UBR1: variants seen among roughly 807,000 people sequenced by gnomAD.
The protein encoded by UBR1 is E3 ubiquitin-protein ligase UBR1.
Under a neutral mutation model 242.1 loss-of-function variants are expected in UBR1, and 102 were observed. The observed-to-expected ratio is 0.42, with a 90% CI of 0.36 to 0.50. UBR1 has a LOEUF of 0.50. Ranked by LOEUF, UBR1 falls within the 20% of genes least tolerant of loss-of-function variation. The pLI, the probability that UBR1 is intolerant of heterozygous loss-of-function variation, is 0.01. For missense variants in UBR1, 1,772 were observed against 2,101.8 expected (o/e 0.84, Z 3.07); for synonymous variants, 675 against 684.8 (o/e 0.99, Z 0.22).
At chr15:42,998,931 C>A (rs1052051972) in intron 32 of UBR1, among the ~76,000 whole-genome samples, 3 of 140,536 alleles carry the variant, frequency 2.1e-5, no homozygotes, top group Non-Finnish European at 3.1e-5. Flanking sequence ...AAACTTGGAG[C>A]CTTTGCTTTT....
rs1408086291 is a variant in UBR1 at position 43,037,792 on chromosome 15, C to A, written c.2003G>T (p.Gly668Val). Residue 668 changes from glycine (G) to valine (V), a missense_variant, in exon 17 of 47, where the codon GGA (glycine) becomes GTA (valine). Gly to Val is a moderately radical substitution (Grantham distance 109). Around this residue, in one of 3 missense-constraint regions of UBR1, gnomAD observed 734 missense variants for 893.3 expected, o/e 0.82. Coordinates refer to ENST00000290650, the MANE Select transcript of UBR1 (RefSeq NM_174916.3). ...QVVAEMWRRN[G>V]LSLISQVFYY... ...CTGTACCTGGCTAATAAGAGACAGT[C>A]CATTTCTTCGCCACATCTCAGCAAC... 7 of 1,614,066 alleles carry A rather than the reference C, an allele frequency of 4.3e-6. No homozygotes were observed. The highest frequency in any genetic ancestry group is 5.9e-6 in the Non-Finnish European group (7 of 1,179,978).
At chr15:43,000,688 C>A (rs771973577) in intron 32 of UBR1, among the ~76,000 whole-genome samples, 4 of 152,166 alleles carry the variant, frequency 2.6e-5, no homozygotes, top group Admixed American at 6.5e-5. Flanking sequence ...TAAGATAATG[C>A]AGCATTTGCT....
chr15:43,093,506 C>G (rs1386366026), intron 1 of UBR1, among the ~76,000 whole-genome samples: 1 of 152,158 alleles, frequency 6.6e-6, no homozygotes, highest in Non-Finnish European at 1.5e-5. Context: ...AGCAACCAGG[C>G]ACAATGGCTC....
chr15:43,042,240 A>T (rs1051427599), intron 15 of UBR1, among the ~76,000 whole-genome samples: 5 of 152,222 alleles, frequency 3.3e-5, no homozygotes, highest in African/African-American at 1.2e-4. Context: ...TCCATGTCAT[A>T]ACAGCACTAT....
intron 29 of UBR1, among the ~76,000 whole-genome samples, chr15:43,010,287 G>A (rs746704710): frequency 7.9e-5 from 12 of 151,892 alleles, no homozygotes; most frequent in South Asian, 6.2e-4. Context: ...TCTAGTGGGC[G>A]CAGGATGCAG....
intron 37 of UBR1, among the ~76,000 whole-genome samples, chr15:42,982,710 G>GT (rs1315383486): frequency 2.0e-5 from 3 of 152,024 alleles, no homozygotes; most frequent in Admixed American, 2.0e-4. Context: ...GATTTTCAAG[G>GT]TAAAGAAGTA....
At chr15:43,030,838 T>G (rs1320963875) in intron 20 of UBR1, among the ~76,000 whole-genome samples, 2 of 152,232 alleles carry the variant, frequency 1.3e-5, no homozygotes, top group African/African-American at 4.8e-5. Flanking sequence ...ACCCCTTGCC[T>G]AAGAGATTTG....
intron 4 of UBR1, 139 bp downstream of exon 4, chr15:43,074,840 A>G: frequency 1.4e-6 from 1 of 691,032 alleles, no homozygotes; most frequent in Non-Finnish European, 2.6e-6. Context: ...TTGGAGCTAG[A>G]AAAAAAGCCT....
chr15:43,053,307 T>C (rs2033578132), intron 12 of UBR1, among the ~76,000 whole-genome samples: 1 of 152,176 alleles, frequency 6.6e-6, no homozygotes, highest in African/African-American at 2.4e-5. Flanking sequence ...ACTCATAAAA[T>C]ATGATAAAAC....
intron 20 of UBR1, among the ~76,000 whole-genome samples, chr15:43,032,046 C>T (rs932701573): frequency 4.0e-5 from 6 of 151,876 alleles, no homozygotes; most frequent in Admixed American, 3.9e-4. Context: ...AAAAACAAAA[C>T]AAAACAAAAC....
At chr15:43,105,917 A>AG (rs752967310) in intron 1 of UBR1, 25 bp downstream of exon 1, 1 of 1,612,380 alleles carries the variant, frequency 6.2e-7, no homozygotes, top group South Asian at 1.1e-5. Flanking sequence ...GGGAGGACAA[A>AG]AGAGACTTGC....
In UBR1 at chr15:43,054,848, G is replaced by C; in HGVS notation, c.1333C>G (p.Leu445Val). The stretch of plus-strand genomic sequence containing the variant: ...AAGTACTCAGGTAAAACTTCTAGCA[G>C]AGTTTCAGTAATGACAGAGATAACA... ...QNVISVITET[L>V]LEVLPEYLDR... The change falls in exon 12 of 47, where the codon CTG becomes GTG. Residue 445 changes from leucine (L) to valine (V), a missense_variant. This residue lies in a region of UBR1 where 734 missense variants were observed against 893.3 expected (regional missense o/e 0.82). Transcript: ENST00000290650. 6.2e-7 allele frequency: 1 copy of C among 1,614,140 alleles called. No individual in the cohort carries two copies. The highest frequency in any genetic ancestry group is 8.5e-7 in the Non-Finnish European group (1 of 1,180,008).
chr15:42,951,387 CTAA>C (rs1169300441), intron 45 of UBR1, among the ~76,000 whole-genome samples: 1 of 152,166 alleles, frequency 6.6e-6, no homozygotes, highest in African/African-American at 2.4e-5. Context: ...CCACGCCCAG[CTAA>C]TGTTTGTCTT....
At chr15:43,014,729 C>A (rs1406613545) in intron 29 of UBR1, among the ~76,000 whole-genome samples, 6 of 152,076 alleles carry the variant, frequency 3.9e-5, no homozygotes, top group East Asian at 1.9e-4. Context: ...CCGGCAGCCA[C>A]CCCGTCTGGG....
chr15:43,056,563 A>G (rs2033622221), intron 10 of UBR1, 121 bp from the exon 11 acceptor site: 3 of 652,324 alleles, frequency 4.6e-6, no homozygotes, highest in Admixed American at 2.9e-5. Flanking sequence ...TATAATTCCT[A>G]TTTATTAAGG....
At position 43,035,958 on chromosome 15, in the gene UBR1, T is replaced by C. The variant is rs376067998; in HGVS notation, c.2190+220A>G. ...GTGGGGGGAGGGGCGAAGGATAGCA[T>C]TGGGAGATATACCTAATGCTAGATG... On this transcript the variant is annotated intron_variant, in intron 19 of 46. Coordinates refer to ENST00000290650, the MANE Select transcript of UBR1 (RefSeq NM_174916.3). 1.9e-4 allele frequency among the ~76,000 whole-genome samples: 28 copies of C among 148,760 alleles called. No homozygotes were observed. The East Asian group carries it at 2.5e-3, about 13-fold the overall frequency.
chr15:43,021,121 A>C, intron 27 of UBR1, 154 bp downstream of exon 27: 6 of 608,322 alleles, frequency 9.9e-6, no homozygotes, highest in Non-Finnish European at 1.7e-5. Flanking sequence ...ACTACAATAA[A>C]ATATAGGAAA....
intron 29 of UBR1, 112 bp downstream of exon 29, chr15:43,015,576 C>T (rs778277999): frequency 7.2e-5 from 86 of 1,189,076 alleles, no homozygotes; most frequent in Non-Finnish European, 1.0e-4. Context: ...CTGACCTTCC[C>T]TCCACTATTG....
chr15:43,048,520 T>G, intron 12 of UBR1, 29 bp from the exon 13 acceptor site: 19 of 1,539,490 alleles, frequency 1.2e-5, no homozygotes, highest in Non-Finnish European at 1.7e-5. Flanking sequence ...AAGAAATATT[T>G]CATTTATCTA....
Sources: allele counts gnomAD v4.1 joint callset (sites outside exome capture counted in the v4.1 genomes callset), GRCh38; gene constraint gnomAD v4.1.1; regional missense constraint gnomAD v4.1.1; transcripts MANE v1.5; gene names NCBI Gene and HGNC (gene_info 2026-07-23, HGNC 2026-07-21).